Variants in ZC3H12C observed in about 807,000 individuals in gnomAD.
ZC3H12C encodes the protein probable ribonuclease ZC3H12C.
Under a neutral mutation model 76.3 loss-of-function variants are expected in ZC3H12C, and 20 were observed. The ratio of observed to expected loss-of-function variants is 0.26; its 90% CI spans 0.18 to 0.38. The LOEUF is 0.38. Ranked by LOEUF, ZC3H12C falls within the 10% of genes least tolerant of loss-of-function variation. ZC3H12C has a pLI of 1.00. For synonymous variants in ZC3H12C, 352 were observed against 399.6 expected (o/e 0.88, Z 1.42); for missense variants, 874 against 1,086.5 (o/e 0.80, Z 2.75).
chr11:110,127,879 C>T (rs1467151010), intron 1 of ZC3H12C, among the ~76,000 whole-genome samples: 3 of 133,430 alleles, frequency 2.2e-5, no homozygotes, highest in African/African-American at 8.8e-5. Flanking sequence ...CTGGACAACA[C>T]AGTGAGACTT....
chr11:110,112,666 G>T (rs1861454416), intron 1 of ZC3H12C, among the ~76,000 whole-genome samples: 1 of 152,164 alleles, frequency 6.6e-6, no homozygotes, highest in Admixed American at 6.5e-5. Context: ...ACTGTCAGTT[G>T]CCTGCCAGAG....
intron 3 of ZC3H12C, among the ~76,000 whole-genome samples, chr11:110,158,087 G>T (rs1432126288): frequency 5.3e-5 from 8 of 152,202 alleles, no homozygotes; most frequent in East Asian, 3.8e-4. Flanking sequence ...TGGGAAAATG[G>T]GGGACAGAGG....
intron 3 of ZC3H12C, among the ~76,000 whole-genome samples, chr11:110,158,920 ACG>A (rs1862426975): frequency 6.6e-6 from 1 of 152,250 alleles, no homozygotes; most frequent in African/African-American, 2.4e-5. Flanking sequence ...TCAAGTAGGA[ACG>A]TGGAAGAAGC....
chr11:110,157,428 GTCT>G, intron 3 of ZC3H12C, among the ~76,000 whole-genome samples: 1 of 147,392 alleles, frequency 6.8e-6, no homozygotes, highest in Non-Finnish European at 1.5e-5. Flanking sequence ...GAAAGGTCTG[GTCT>G]TTTTTTTTTT....
intron 1 of ZC3H12C, among the ~76,000 whole-genome samples, chr11:110,121,110 T>C (rs1305748351): frequency 6.6e-6 from 1 of 152,222 alleles, no homozygotes; most frequent in Non-Finnish European, 1.5e-5. Flanking sequence ...TTGGCATCAA[T>C]ATATTTTAAA....
rs547468210 is a variant in ZC3H12C, at chr11:110,098,499, A to G, written c.21+5067A>G. Among the ~76,000 whole-genome samples, 22 of 152,338 alleles carry G rather than the reference A, an allele frequency of 1.4e-4. 1 individual carries two copies. Among genetic ancestry groups the G allele is most frequent in the Admixed American group, 1.2e-3 (19 of 15,306 alleles). ...GTTTATGAAATCTACAGTAATGTAC[A>G]CTAATATCCTAGGCCTTCACATTCA... On this transcript the variant is annotated intron_variant, in intron 1 of 5. Coordinates refer to ENST00000278590, the MANE Select transcript of ZC3H12C (RefSeq NM_033390.2).
In ZC3H12C at chr11:110,165,733, A is replaced by T; in HGVS notation, c.2648A>T (p.Tyr883Phe). The change falls in exon 6 of 6, where the codon TAT becomes TTT. Residue 883 changes from tyrosine to phenylalanine, a missense_variant. Transcript: ENST00000278590. ...AILVEKSQLGY is the reference protein window; with the variant it reads ...AILVEKSQLGF ...TTAGTGGAGAAATCCCAGCTGGGTT[A>T]TTGAAAGATGATGCATCTTTGTGGT... is the stretch of plus-strand genomic sequence containing the variant. 1 of 1,574,786 alleles carries T rather than the reference A, an allele frequency of 6.4e-7. No individual in the cohort carries two copies. The highest frequency in any genetic ancestry group is 8.6e-7 in the Non-Finnish European group (1 of 1,159,024).
chr11:110,135,669 ATTC>A (rs1255900623), intron 1 of ZC3H12C, among the ~76,000 whole-genome samples: 1 of 152,178 alleles, frequency 6.6e-6, no homozygotes, highest in Non-Finnish European at 1.5e-5. Flanking sequence ...TAGTAAAAGT[ATTC>A]TTATATGGTG....
rs372880685 is a variant in ZC3H12C, at chr11:110,164,384, C to T, written c.1299C>T (p.Pro433=). 122 of 1,613,404 alleles carry T rather than the reference C, an allele frequency of 7.6e-5. No individual in the cohort carries two copies. The highest frequency in any genetic ancestry group is 9.9e-5 in the South Asian group (9 of 90,982). Reference sequence around the variant, plus strand: ...GACACAAGTGCAAATATTACCATCCCGAAAGGGGCAGTCAGCCACAGCGGT... The same window carrying T: ...GACACAAGTGCAAATATTACCATCCTGAAAGGGGCAGTCAGCCACAGCGGT... The part of the protein sequence containing the change: ...TYGHKCKYYH[P]ERGSQPQRSV... Residue 433 remains proline, a synonymous_variant, in exon 6 of 6, where the codon CCC becomes CCT. Transcript: ENST00000278590. The surrounding 1 kb of genome is among the most constrained non-coding windows in gnomAD (Gnocchi z 5.7).
chr11:110,137,526 T>C, intron 2 of ZC3H12C, 112 bp downstream of exon 2: 7 of 1,251,460 alleles, frequency 5.6e-6, no homozygotes, highest in Non-Finnish European at 6.4e-6. Context: ...CATTTTTCTG[T>C]ATCCTGATGT....
intron 1 of ZC3H12C, chr11:110,131,351 G>A: frequency 2.0e-6 from 1 of 492,344 alleles, no homozygotes; most frequent in Non-Finnish European, 3.6e-6. Flanking sequence ...AAGGCATTAG[G>A]CATGGCGTAT....
intron 1 of ZC3H12C, among the ~76,000 whole-genome samples, chr11:110,125,622 TA>T (rs1761070970): frequency 6.6e-6 from 1 of 152,166 alleles, no homozygotes; most frequent in African/African-American, 2.4e-5. Flanking sequence ...CCAGCCTCTC[TA>T]ATGTGTTTAA....
chr11:110,093,562 G>C, intron 1 of ZC3H12C, 130 bp downstream of exon 1: 1 of 619,166 alleles, frequency 1.6e-6, no homozygotes, highest in Non-Finnish European at 2.2e-6. Flanking sequence ...CAGCGACCTC[G>C]CCGTGTGATC....
chr11:110,112,435 C>A (rs1248379411), intron 1 of ZC3H12C, among the ~76,000 whole-genome samples: 1 of 152,216 alleles, frequency 6.6e-6, no homozygotes, highest in African/African-American at 2.4e-5. Context: ...AAGCAGTCTT[C>A]CTGCCTCCGC....
At chr11:110,096,709 A>G (rs1861119443) in intron 1 of ZC3H12C, among the ~76,000 whole-genome samples, 1 of 152,246 alleles carries the variant, frequency 6.6e-6, no homozygotes, top group Non-Finnish European at 1.5e-5. Flanking sequence ...GTTGACATAC[A>G]CCATTTGAAA....
intron 1 of ZC3H12C, among the ~76,000 whole-genome samples, chr11:110,121,296 G>A (rs955552793): frequency 6.6e-6 from 1 of 152,186 alleles, no homozygotes; most frequent in Admixed American, 6.6e-5. Flanking sequence ...TTCACCTGCT[G>A]TGTGCCGGGC....
chr11:110,117,859 A>G (rs1480628559), intron 1 of ZC3H12C, among the ~76,000 whole-genome samples: 1 of 114,218 alleles, frequency 8.8e-6, no homozygotes, highest in African/African-American at 3.1e-5. Flanking sequence ...ACACATATAT[A>G]TAATATATAT....
rs542011059 is a variant in ZC3H12C, at chr11:110,151,640, T to A, written c.774-1279T>A. On this transcript the variant is annotated intron_variant, in intron 2 of 5. Transcript: ENST00000278590. ...TATTTTCCATGAAACCTAATATCAC[T>A]TTGTACCTTTTGATGGTGCATTCAC... Among the ~76,000 whole-genome samples, 4 of 152,304 alleles carry A rather than the reference T, an allele frequency of 2.6e-5. No individual in the cohort carries two copies. The South Asian group carries it at 8.3e-4, about 32-fold the overall frequency.
rs765124801 is a variant in ZC3H12C, at chr11:110,165,479, C to T, written c.2394C>T (p.Asn798=). The change falls in exon 6 of 6, where the codon AAC becomes AAT. Residue 798 remains asparagine (N), a synonymous_variant. Transcript: ENST00000278590. ...GGCAGACTTATTCCTTGCCCGATAA[C>T]TCCACACAGCCGTGTTATGAGCAGT... ...GYRQTYSLPD[N]STQPCYEQFT... is the part of the protein sequence containing the mutation. The T allele has an allele frequency of 1.2e-6, 2 of 1,614,042 alleles. No homozygotes were observed. The highest frequency in any genetic ancestry group is 1.1e-5 in the South Asian group (1 of 91,082).
Sources: allele counts gnomAD v4.1 joint callset (sites outside exome capture counted in the v4.1 genomes callset), GRCh38; gene constraint gnomAD v4.1.1; non-coding constraint Gnocchi (gnomAD v3.1); transcripts MANE v1.5; gene names NCBI Gene and HGNC (gene_info 2026-07-23, HGNC 2026-07-21).